TACC2: variants seen among roughly 807,000 people sequenced by gnomAD.
TACC2 encodes transforming acidic coiled-coil-containing protein 2.
Under a neutral mutation model 227.3 loss-of-function variants are expected in TACC2, and 137 were observed. The observed-to-expected ratio is 0.60, with a 90% CI of 0.52 to 0.69. The LOEUF (loss-of-function observed/expected upper bound fraction) is 0.69, where lower values mean the gene tolerates loss of function less well. TACC2 is among the 30% of genes least tolerant of loss of function. The pLI, the probability that TACC2 is intolerant of heterozygous loss-of-function variation, is 0.00. For missense variants in TACC2, 3,470 were observed against 3,694.4 expected (o/e 0.94, Z 1.57); for synonymous variants, 1,523 against 1,487.5 (o/e 1.02, Z -0.55).
chr10:122,080,016 ACAC>A (rs2079268784), intron 3 of TACC2, among the ~76,000 whole-genome samples: 2 of 152,252 alleles, frequency 1.3e-5, no homozygotes, highest in African/African-American at 4.8e-5. Flanking sequence ...CCATAAGAAA[ACAC>A]CACAACTTGA....
chr10:122,026,083 C>G (rs903088059), intron 2 of TACC2, among the ~76,000 whole-genome samples: 3 of 148,954 alleles, frequency 2.0e-5, no homozygotes, highest in Non-Finnish European at 4.5e-5. Flanking sequence ...CTTTGGGAGG[C>G]CAAGGCAGGC....
chr10:122,191,670 C>T (rs950425156), intron 7 of TACC2, among the ~76,000 whole-genome samples: 2 of 152,178 alleles, frequency 1.3e-5, no homozygotes, highest in African/African-American at 4.8e-5. Context: ...TATTTTATTG[C>T]ATTTGCATAT....
intron 18 of TACC2, among the ~76,000 whole-genome samples, chr10:122,238,253 T>C (rs1208540420): frequency 6.6e-6 from 1 of 152,220 alleles, no homozygotes; most frequent in Non-Finnish European, 1.5e-5. Flanking sequence ...AATAAATGTA[T>C]GTACAATGCA....
At chr10:122,017,983 C>T (rs1438588719) in intron 1 of TACC2, among the ~76,000 whole-genome samples, 1 of 142,644 alleles carries the variant, frequency 7.0e-6, no homozygotes, top group Non-Finnish European at 1.5e-5. Flanking sequence ...TAAAAGTAGA[C>T]CTCATTCGTT....
rs769333459 is a variant in TACC2, at chr10:122,237,355, A to G, written c.8128-40A>G. The G allele has an allele frequency of 6.3e-6, 10 of 1,580,686 alleles. No individual in the cohort carries two copies. The Admixed American group carries it at 1.8e-4, about 29-fold the overall frequency. On this transcript the variant is annotated intron_variant, in intron 16 of 22. Coordinates refer to ENST00000369005, the MANE Select transcript of TACC2 (RefSeq NM_206862.4). ...TGTAATCCTCTTTGTCGTATGATTA[A>G]TGCTAACTGTTTTTTTTTTAATTAA...
At chr10:122,224,574 T>C (rs1323565306) in intron 11 of TACC2, 152 bp from the exon 12 acceptor site, 9 of 659,238 alleles carry the variant, frequency 1.4e-5, no homozygotes, top group African/African-American at 7.2e-5. Context: ...CTTCAGGCTA[T>C]ATGAGAAGTC....
intron 7 of TACC2, among the ~76,000 whole-genome samples, chr10:122,185,837 G>C (rs1047619457): frequency 6.6e-6 from 1 of 152,190 alleles, no homozygotes; most frequent in African/African-American, 2.4e-5. Flanking sequence ...GAAAATACAA[G>C]GACTTTAATG....
At chr10:122,049,438 C>T (rs537701415) in intron 2 of TACC2, among the ~76,000 whole-genome samples, 3 of 152,172 alleles carry the variant, frequency 2.0e-5, no homozygotes, top group Non-Finnish European at 2.9e-5. Context: ...CTGGCTTGAC[C>T]GGAGTCTCAT....
intron 1 of TACC2, among the ~76,000 whole-genome samples, chr10:122,007,050 C>T (rs1044696891): frequency 1.3e-4 from 19 of 151,932 alleles, no homozygotes; most frequent in African/African-American, 4.6e-4. Flanking sequence ...TTAGTAGAGA[C>T]AGGGTTTCTC....
chr10:122,017,093 C>G (rs116977715), intron 1 of TACC2, among the ~76,000 whole-genome samples: 1,915 of 152,004 alleles, frequency 0.013, 21 homozygotes, highest in Non-Finnish European at 0.018. Flanking sequence ...CTTGCTGAAG[C>G]CACCGAATCT....
At chr10:122,153,887 A>G (rs1471198709) in intron 7 of TACC2, among the ~76,000 whole-genome samples, 1 of 152,156 alleles carries the variant, frequency 6.6e-6, no homozygotes, top group Non-Finnish European at 1.5e-5. Context: ...TGAGGAAGAG[A>G]GTTTAATTCA....
intron 3 of TACC2, among the ~76,000 whole-genome samples, chr10:122,079,911 C>G (rs2079252041): frequency 6.6e-6 from 1 of 152,208 alleles, no homozygotes; most frequent in Non-Finnish European, 1.5e-5. Context: ...ATTATTTTCC[C>G]AACTTTTTGT....
chr10:122,171,342 G>A (rs1397428342), intron 7 of TACC2, among the ~76,000 whole-genome samples: 2 of 151,824 alleles, frequency 1.3e-5, no homozygotes, highest in East Asian at 3.9e-4. Flanking sequence ...GGGGGCCGAG[G>A]TAGGGGGGTG....
chr10:122,137,167 C>T (rs752254703), intron 6 of TACC2, among the ~76,000 whole-genome samples: 5 of 152,122 alleles, frequency 3.3e-5, no homozygotes, highest in African/African-American at 9.6e-5. Context: ...GAAGCTGCTT[C>T]GGGGGTTGAG....
intron 7 of TACC2, among the ~76,000 whole-genome samples, chr10:122,157,451 C>T (rs2092561215): frequency 6.6e-6 from 1 of 151,942 alleles, no homozygotes; most frequent in Admixed American, 6.6e-5. Flanking sequence ...ATACAGTCAC[C>T]TGGTGAAGGG....
rs1365981351 is a variant in TACC2, at chr10:122,072,013, C to G, written c.147-10634C>G. On this transcript the variant is annotated intron_variant, in intron 3 of 22. Coordinates refer to ENST00000369005, the MANE Select transcript of TACC2 (RefSeq NM_206862.4). Reference sequence around the variant, plus strand: ...TTTTTTTTTGAGATGGAGTCTCACTCTGTTGCTCAGGTTGGAGTGCAGTGG... The same window carrying G: ...TTTTTTTTTGAGATGGAGTCTCACTGTGTTGCTCAGGTTGGAGTGCAGTGG... 8.6e-4 allele frequency among the ~76,000 whole-genome samples: 109 copies of G among 126,362 alleles called. 1 individual carries two copies. Among genetic ancestry groups the G allele is most frequent in the African/African-American group, 3.1e-3 (106 of 34,006 alleles). 82.9% of individuals were successfully genotyped at this position (126,362 alleles called of 152,430 possible). A position where few individuals can be genotyped will look rare whatever the true frequency, so the allele number is the denominator to read the frequency against.
At chr10:122,218,718 A>G (rs2095462157) in intron 11 of TACC2, among the ~76,000 whole-genome samples, 1 of 152,082 alleles carries the variant, frequency 6.6e-6, no homozygotes, top group South Asian at 2.1e-4. Context: ...GAGAGGTCCG[A>G]AAGTGACCAT....
At chr10:122,211,776 T>G in intron 9 of TACC2, 68 bp downstream of exon 9, 1 of 1,395,600 alleles carries the variant, frequency 7.2e-7, no homozygotes, top group Non-Finnish European at 9.7e-7. Flanking sequence ...CCCTTGGTCA[T>G]GTGCCTGGAT....
chr10:122,169,056 A>G (rs2093342322), intron 7 of TACC2, among the ~76,000 whole-genome samples: 2 of 152,214 alleles, frequency 1.3e-5, no homozygotes, highest in Admixed American at 6.5e-5. Context: ...GTTGGCCACA[A>G]AGAACTGACT....
Sources: allele counts gnomAD v4.1 joint callset (sites outside exome capture counted in the v4.1 genomes callset), GRCh38; gene constraint gnomAD v4.1.1; transcripts MANE v1.5; gene names NCBI Gene and HGNC (gene_info 2026-07-23, HGNC 2026-07-21).